MARK3: variants seen among roughly 807,000 people sequenced by gnomAD.
MARK3 encodes the protein microtubule affinity regulating kinase 3.
Under a neutral mutation model 90.1 loss-of-function variants are expected in MARK3, and 46 were observed. The observed-to-expected ratio is 0.51, with a 90% CI of 0.40 to 0.65. The LOEUF (loss-of-function observed/expected upper bound fraction) is 0.65, where lower values mean the gene tolerates loss of function less well. Ranked by LOEUF, MARK3 falls within the 30% of genes least tolerant of loss-of-function variation. MARK3 has a pLI of 0.00. For synonymous variants in MARK3, 321 were observed against 332.6 expected (o/e 0.97, Z 0.38); for missense variants, 818 against 947.2 (o/e 0.86, Z 1.79).
chr14:103,411,142 C>T (rs535751457), intron 2 of MARK3, among the ~76,000 whole-genome samples: 123 of 152,100 alleles, frequency 8.1e-4, no homozygotes, highest in Non-Finnish European at 1.4e-3. Context: ...GGCATGGTGG[C>T]GGGCGCCTGT....
chr14:103,467,042 A>G, intron 10 of MARK3, 37 bp from the exon 11 acceptor site: 1 of 1,018,254 alleles, frequency 9.8e-7, no homozygotes, highest in East Asian at 2.6e-5. Flanking sequence ...TTCTTACCCA[A>G]ACAAAACACA....
intron 3 of MARK3, among the ~76,000 whole-genome samples, chr14:103,438,354 A>G (rs1234188226): frequency 6.6e-6 from 1 of 152,186 alleles, no homozygotes; most frequent in Non-Finnish European, 1.5e-5. Context: ...TAAAGCTCTC[A>G]AGATTTTGTG....
At chr14:103,427,049 A>ATC (rs916340877) in intron 2 of MARK3, among the ~76,000 whole-genome samples, 12 of 151,118 alleles carry the variant, frequency 7.9e-5, no homozygotes, top group East Asian at 3.9e-4. Context: ...TCTGTGTATA[A>ATC]TCTCTCTCTC....
chr14:103,386,068 A>G lies in MARK3; in HGVS notation c.39A>G (p.Arg13=). 1 of 1,614,226 alleles carries G rather than the reference A, an allele frequency of 6.2e-7. No individual in the cohort carries two copies. The highest frequency in any genetic ancestry group is 8.5e-7 in the Non-Finnish European group (1 of 1,180,010). Reference sequence around the variant, plus strand: ...CCCCATTGCCAACGGTGAATGAACGAGACACTGAAAACGTAAGTAACCTGG... The same window carrying G: ...CCCCATTGCCAACGGTGAATGAACGGGACACTGAAAACGTAAGTAACCTGG... ...TRTPLPTVNE[R]DTENHTSHGD... Residue 13 remains arginine, a synonymous_variant, in exon 1 of 18, where the codon CGA becomes CGG. Transcript: ENST00000429436.
intron 14 of MARK3, among the ~76,000 whole-genome samples, chr14:103,486,124 A>G (rs1370882581): frequency 1.3e-5 from 2 of 152,048 alleles, no homozygotes; most frequent in Non-Finnish European, 2.9e-5. Context: ...GTAAAATTCC[A>G]TCTCTACCAA....
In MARK3 at chr14:103,496,991, A is replaced by G. The variant is rs150436292; in HGVS notation, c.1845-1511A>G. ...CAGGAGTTTGAGGTTACAGTGAGCT[A>G]TGATCACACCACTGTACTCCAGCCT... On this transcript the variant is annotated intron_variant, in intron 15 of 17. Transcript: ENST00000429436. Among the ~76,000 whole-genome samples, 408 of 152,296 alleles carry G rather than the reference A, an allele frequency of 2.7e-3. 2 individuals are homozygous for G. Among genetic ancestry groups the G allele is most frequent in the African/African-American group, 9.4e-3 (391 of 41,572 alleles).
At chr14:103,397,413 G>A (rs1289601008) in intron 1 of MARK3, among the ~76,000 whole-genome samples, 1 of 144,628 alleles carries the variant, frequency 6.9e-6, no homozygotes, top group Non-Finnish European at 1.5e-5. Flanking sequence ...CGCAACCTCC[G>A]CCTCCCAGGT....
At chr14:103,482,518 TA>T (rs11313266) in intron 14 of MARK3, among the ~76,000 whole-genome samples, 92,866 of 148,142 alleles carry the variant, frequency 0.63, 29,810 homozygotes, top group Middle Eastern at 0.76. Context: ...AAGACTCATC[TA>T]AAAAAAAAAA....
intron 13 of MARK3, 139 bp downstream of exon 13, chr14:103,475,349 C>A (rs748405049): frequency 1.5e-6 from 1 of 651,620 alleles, no homozygotes; most frequent in Non-Finnish European, 2.7e-6. Flanking sequence ...TCTTAACTTA[C>A]AGAAATCCTA....
intron 7 of MARK3, among the ~76,000 whole-genome samples, 155 bp downstream of exon 7, chr14:103,462,616 T>C (rs1266522390): frequency 1.3e-5 from 2 of 152,168 alleles, no homozygotes; most frequent in African/African-American, 4.8e-5. Flanking sequence ...GGAAAGAGCA[T>C]TAAAAATAAA....
rs369863651 is a variant in MARK3 at position 103,462,396 on chromosome 14, C to G, written c.484-9C>G. On this transcript the variant is annotated splice_polypyrimidine_tract_variant and intron_variant, in intron 6 of 17. Transcript: ENST00000429436. ...CAGTGATGACTGACTCTGCGTCTCT[C>G]CTATTCAGATTGTGTCTGCAGTTCA... The G allele has an allele frequency of 6.3e-7, 1 of 1,597,294 alleles. No individual in the cohort carries two copies. Among genetic ancestry groups the G allele is most frequent in the South Asian group, 1.1e-5 (1 of 90,376 alleles).
chr14:103,478,395 C>T (rs1187947609), intron 13 of MARK3, among the ~76,000 whole-genome samples: 1 of 151,308 alleles, frequency 6.6e-6, no homozygotes, highest in African/African-American at 2.4e-5. Context: ...CCCTGGCAAC[C>T]ACCAGTCTGT....
intron 3 of MARK3, among the ~76,000 whole-genome samples, chr14:103,441,964 G>A (rs2092867745): frequency 6.6e-6 from 1 of 152,078 alleles, no homozygotes; most frequent in Non-Finnish European, 1.5e-5. Context: ...GAAAATCTGA[G>A]CTAAATTAAT....
At chr14:103,475,277 T>TAAAA in intron 13 of MARK3, 67 bp downstream of exon 13, 1 of 1,320,690 alleles carries the variant, frequency 7.6e-7, no homozygotes, top group Non-Finnish European at 1.1e-6. Context: ...ACACCAGGTG[T>TAAAA]TCATTTTACT....
chr14:103,486,244 G>C (rs2093927525), intron 14 of MARK3, among the ~76,000 whole-genome samples: 1 of 152,146 alleles, frequency 6.6e-6, no homozygotes, highest in Non-Finnish European at 1.5e-5. Context: ...TTCAAGACCA[G>C]CCTGGCCAAC....
intron 15 of MARK3, among the ~76,000 whole-genome samples, chr14:103,493,072 T>G (rs538756594): frequency 2.0e-4 from 31 of 152,172 alleles, no homozygotes; most frequent in Admixed American, 2.0e-3. Flanking sequence ...CCCTCCTCTG[T>G]TTTTCTGCAT....
chr14:103,438,334 G>A (rs1356573779), intron 3 of MARK3, among the ~76,000 whole-genome samples: 2 of 152,180 alleles, frequency 1.3e-5, no homozygotes, highest in Admixed American at 6.5e-5. Context: ...TATCTTATAG[G>A]TAAGTAGGTT....
rs1408014114 is a variant in MARK3 at position 103,451,953 on chromosome 14, C to T, written c.382C>T (p.Leu128Phe). Reference protein sequence around the residue: ...LFEVIETEKTLYLIMEYASGG... With the variant: ...LFEVIETEKTFYLIMEYASGG... ...CGAAGTCATTGAAACTGAAAAAACA[C>T]TCTACCTAATCATGGAATATGCAAG... Residue 128 changes from leucine to phenylalanine, a missense_variant, in exon 5 of 18, where the codon CTC (leucine) becomes TTC (phenylalanine). Around this residue, in one of 3 missense-constraint regions of MARK3, gnomAD observed 157 missense variants for 158.7 expected, o/e 0.99. Coordinates refer to ENST00000429436, the MANE Select transcript of MARK3 (RefSeq NM_001128918.3). The T allele has an allele frequency of 6.2e-7, 1 of 1,612,440 alleles. No individual in the cohort carries two copies. The highest frequency in any genetic ancestry group is 8.5e-7 in the Non-Finnish European group (1 of 1,179,038).
At chr14:103,407,303 T>A (rs569211806) in intron 2 of MARK3, among the ~76,000 whole-genome samples, 1 of 152,344 alleles carries the variant, frequency 6.6e-6, no homozygotes, top group African/African-American at 2.4e-5. Context: ...GTGTATGAGC[T>A]CATGTTACTT....
Sources: gnomAD v4.1 joint callset for allele counts (sites outside exome capture counted in the v4.1 genomes callset) on GRCh38, gnomAD v4.1.1 for gene constraint, gnomAD v4.1.1 regional missense constraint, MANE v1.5 for transcripts, NCBI Gene and HGNC (gene_info 2026-07-23, HGNC 2026-07-21) for gene names.